Variants in USP31 observed in about 807,000 individuals in gnomAD.
USP31 encodes ubiquitin carboxyl-terminal hydrolase 31.
USP31 carries 44 observed loss-of-function variants against 119.4 expected under a neutral mutation model. The ratio of observed to expected loss-of-function variants is 0.37; its 90% confidence interval spans 0.29 to 0.47. The LOEUF is 0.47. USP31 is among the 20% of genes least tolerant of loss of function. The pLI is 0.99. For missense variants in USP31, 1,643 were observed against 1,730.2 expected (o/e 0.95, Z 0.89); for synonymous variants, 749 against 705.6 (o/e 1.06, Z -0.97).
Position 23,105,550 on chromosome 16 carries a change from T to C in USP31, c.980A>G (p.Gln327Arg). The C allele has an allele frequency of 1.9e-6, 3 of 1,614,070 alleles. No individual in the cohort carries two copies. Among genetic ancestry groups the C allele is most frequent in the East Asian group, 4.5e-5 (2 of 44,886 alleles). Residue 327 changes from glutamine to arginine, a missense_variant, in exon 5 of 16, where the codon CAA becomes CGA. By Grantham distance (43) the Gln-to-Arg change is conservative. This residue lies in a region of USP31 where 144 missense variants were observed against 218.0 expected (regional missense o/e 0.66). Transcript: ENST00000219689. ...CCTCATGCAGTGAGAACATTTGCCTTGATACACTACAGTGACATAGAGAGG... is the reference window on the plus strand; with the variant it reads ...CCTCATGCAGTGAGAACATTTGCCTCGATACACTACAGTGACATAGAGAGG... ...TRPLYVTVVY[Q>R]GKCSHCMRIG...
chr16:23,092,595 T>C (rs531096738), intron 6 of USP31, among the ~76,000 whole-genome samples: 74 of 152,242 alleles, frequency 4.9e-4, no homozygotes, highest in Middle Eastern at 3.4e-3. Flanking sequence ...CTGGACAAGA[T>C]AATTTAGGTA....
At chr16:23,114,297 G>A (rs1386976631) in intron 1 of USP31, among the ~76,000 whole-genome samples, 1 of 106,316 alleles carries the variant, frequency 9.4e-6, no homozygotes, top group Non-Finnish European at 2.3e-5. Flanking sequence ...ATTTTGTAAA[G>A]AAAGTAGAGG....
chr16:23,115,611 A>G (rs1902463004), intron 1 of USP31, among the ~76,000 whole-genome samples: 1 of 152,298 alleles, frequency 6.6e-6, no homozygotes, highest in Non-Finnish European at 1.5e-5. Flanking sequence ...TTCTGTTTGG[A>G]AAAAAATATT....
intron 1 of USP31, among the ~76,000 whole-genome samples, chr16:23,142,988 G>A (rs927580737): frequency 9.2e-5 from 14 of 152,198 alleles, no homozygotes; most frequent in Admixed American, 2.6e-4. Flanking sequence ...CCCCCAGCAT[G>A]AGTGCATGGA....
intron 1 of USP31, among the ~76,000 whole-genome samples, chr16:23,134,227 A>G (rs1253179108): frequency 5.9e-5 from 9 of 152,180 alleles, no homozygotes; most frequent in Admixed American, 5.9e-4. Flanking sequence ...ATAACACTAA[A>G]CAGCACCAGT....
In USP31 at chr16:23,080,344, C is replaced by T. The variant is rs183354845; in HGVS notation, c.1951-173G>A. 6.6e-5 allele frequency among the ~76,000 whole-genome samples: 10 copies of T among 152,178 alleles called. No homozygotes were observed. In the East Asian group the frequency reaches 1.7e-3, roughly 26 times the overall value. ...TGATAGTTTTAGCTATCTAGAGGAA[C>T]AGGTTTTAATATCAGCTAAGGTGGA... On this transcript the variant is annotated intron_variant, in intron 12 of 15. Coordinates refer to ENST00000219689, the MANE Select transcript of USP31 (RefSeq NM_020718.4).
intron 1 of USP31, among the ~76,000 whole-genome samples, chr16:23,138,486 T>C (rs13330850): frequency 0.014 from 2,187 of 152,228 alleles, 26 homozygotes; most frequent in African/African-American, 0.032. Context: ...ACCATTCTTT[T>C]AAAAATAAAA....
Position 23,067,788 on chromosome 16 carries a change from C to G in USP31, c.*258G>C. 2.6e-6 allele frequency: 1 copy of G among 383,940 alleles called. No individual in the cohort carries two copies. The highest frequency in any genetic ancestry group is 4.6e-6 in the Non-Finnish European group (1 of 216,180). 23.8% of individuals were successfully genotyped at this position (383,940 alleles called of 1,614,324 possible). The stretch of plus-strand genomic sequence containing the variant: ...TTGCTAAAGGGACCGTCCTGGGTAT[C>G]GTCTACAATTATTCCAGTTAGCTTG... On this transcript the variant is annotated 3_prime_UTR_variant, in exon 16 of 16. Transcript: ENST00000219689.
chr16:23,089,675 T>C (rs1249447703), intron 7 of USP31, among the ~76,000 whole-genome samples: 1 of 152,246 alleles, frequency 6.6e-6, no homozygotes, highest in African/African-American at 2.4e-5. Flanking sequence ...GAAACATATC[T>C]GTCTCTTGTT....
chr16:23,109,142 TAC>T (rs1191887795), intron 1 of USP31, among the ~76,000 whole-genome samples: 4 of 152,206 alleles, frequency 2.6e-5, no homozygotes, highest in African/African-American at 9.6e-5. Flanking sequence ...GATAAATAAT[TAC>T]AGATATTTAT....
chr16:23,144,080 C>T (rs1009300826), intron 1 of USP31, among the ~76,000 whole-genome samples: 17 of 152,190 alleles, frequency 1.1e-4, no homozygotes, highest in African/African-American at 4.1e-4. Context: ...CTTTAACAAC[C>T]ATCTAGCCCA....
intron 1 of USP31, among the ~76,000 whole-genome samples, chr16:23,134,674 T>TAAAAAAAAAAAAA (rs371982166): frequency 2.3e-5 from 2 of 86,860 alleles, no homozygotes; most frequent in Non-Finnish European, 2.3e-5. Context: ...GAAACAAAGC[T>TAAAAAAAAAAAAA]AAAAAAAAAA....
At position 23,063,031 on chromosome 16, in the gene USP31, C is replaced by A; in HGVS notation, c.*5015G>T. The stretch of plus-strand genomic sequence containing the variant: ...AATACATGGTAATTCCTGGATCCCA[C>A]CCCTACATGAATTAGATCAAAAGCT... On this transcript the variant is annotated 3_prime_UTR_variant, in exon 16 of 16. Coordinates refer to ENST00000219689, the MANE Select transcript of USP31 (RefSeq NM_020718.4). 6.6e-6 allele frequency: 1 copy of A among 152,404 alleles called. No individual in the cohort carries two copies. The highest frequency in any genetic ancestry group is 1.9e-4 in the East Asian group (1 of 5,204). 9.4% of individuals were successfully genotyped at this position (152,404 alleles called of 1,614,324 possible). A position where few individuals can be genotyped will look rare whatever the true frequency, so the allele number is the denominator to read the frequency against.
At chr16:23,102,625 C>A (rs547789791) in intron 5 of USP31, among the ~76,000 whole-genome samples, 162 bp from the exon 6 acceptor site, 1 of 152,174 alleles carries the variant, frequency 6.6e-6, no homozygotes, top group Non-Finnish European at 1.5e-5. Flanking sequence ...CCTGGAAGCA[C>A]AGTACCCTCT....
rs1397067735 is a variant in USP31, at chr16:23,066,829, C to CT, written c.*1216dup. ...GGCCAGATGGAACACACTCCAAAAC[C>CT]TGCTTGTGAGTTCTGGGCATGAGAT... On this transcript the variant is annotated 3_prime_UTR_variant, in exon 16 of 16. Transcript: ENST00000219689. 6.6e-6 allele frequency: 1 copy of CT among 152,098 alleles called. No individual in the cohort carries two copies. The highest frequency in any genetic ancestry group is 2.4e-5 in the African/African-American group (1 of 41,406). 9.4% of individuals were successfully genotyped at this position (152,098 alleles called of 1,614,324 possible).
chr16:23,096,461 G>A (rs1385552495), intron 6 of USP31, among the ~76,000 whole-genome samples: 1 of 152,164 alleles, frequency 6.6e-6, no homozygotes, highest in Non-Finnish European at 1.5e-5. Flanking sequence ...AGGATATCCA[G>A]GACTTGAACT....
chr16:23,072,255 C>G (rs1900379169), intron 14 of USP31, 58 bp from the exon 15 acceptor site: 1 of 1,557,578 alleles, frequency 6.4e-7, no homozygotes, highest in African/African-American at 1.4e-5. Flanking sequence ...CAGCCCTGAG[C>G]CACACACACC....
At chr16:23,126,061 A>G (rs1401054532) in intron 1 of USP31, among the ~76,000 whole-genome samples, 1 of 152,116 alleles carries the variant, frequency 6.6e-6, no homozygotes, top group Non-Finnish European at 1.5e-5. Flanking sequence ...CATGCCTATA[A>G]TCTCAGCACT....
At chr16:23,145,081 T>C (rs1165161146) in intron 1 of USP31, among the ~76,000 whole-genome samples, 1 of 152,130 alleles carries the variant, frequency 6.6e-6, no homozygotes. Flanking sequence ...TAAATGTCTA[T>C]TCCCCAAAAC....
Sources: allele counts gnomAD v4.1 joint callset (sites outside exome capture counted in the v4.1 genomes callset), GRCh38; gene constraint gnomAD v4.1.1; regional missense constraint gnomAD v4.1.1; transcripts MANE v1.5; gene names NCBI Gene and HGNC (gene_info 2026-07-23, HGNC 2026-07-21).